Variants in CLYBL observed in about 807,000 individuals in gnomAD.
The protein encoded by CLYBL is citramalyl-CoA lyase.
Under a neutral mutation model 38.9 loss-of-function variants are expected in CLYBL, and 31 were observed. The observed-to-expected ratio is 0.80, with a 90% CI of 0.60 to 1.08. The LOEUF (loss-of-function observed/expected upper bound fraction) is 1.08. Among genes scored for constraint, CLYBL ranks in the 50% least tolerant of loss-of-function variants. The pLI is 0.00. For synonymous variants in CLYBL, 171 were observed against 158.6 expected (o/e 1.08, Z -0.59); for missense variants, 434 against 411.6 (o/e 1.05, Z -0.47).
At chr13:99,873,734 A>G (rs865789741) in intron 7 of CLYBL, among the ~76,000 whole-genome samples, 1 of 152,224 alleles carries the variant, frequency 6.6e-6, no homozygotes, top group Non-Finnish European at 1.5e-5. Context: ...TGTGTTTTCT[A>G]TAGTAATAAT....
intron 1 of CLYBL, among the ~76,000 whole-genome samples, chr13:99,701,931 C>T (rs759300570): frequency 1.3e-5 from 2 of 152,160 alleles, no homozygotes; most frequent in Non-Finnish European, 2.9e-5. Flanking sequence ...CTTGGCCTCC[C>T]AAAGTGCTGA....
chr13:99,611,014 A>T (rs531507473), intron 1 of CLYBL, among the ~76,000 whole-genome samples: 5 of 152,232 alleles, frequency 3.3e-5, no homozygotes, highest in African/African-American at 1.2e-4. Context: ...AAGACAGGTC[A>T]AATAGTGACA....
intron 2 of CLYBL, among the ~76,000 whole-genome samples, chr13:99,839,307 G>A (rs143596117): frequency 9.2e-4 from 140 of 152,308 alleles, no homozygotes; most frequent in Non-Finnish European, 3.2e-4. Context: ...AGGAGGGTTC[G>A]AAGACAGAAG....
intron 1 of CLYBL, among the ~76,000 whole-genome samples, chr13:99,631,972 G>T (rs1399778834): frequency 6.6e-6 from 1 of 152,164 alleles, no homozygotes; most frequent in Admixed American, 6.5e-5. Flanking sequence ...AACTGGAGGA[G>T]AATCTACCTC....
intron 1 of CLYBL, among the ~76,000 whole-genome samples, chr13:99,713,361 A>T (rs997807880): frequency 7.6e-6 from 1 of 132,430 alleles, no homozygotes; most frequent in African/African-American, 2.9e-5. Flanking sequence ...TTTTTTTAAG[A>T]CAGAGTCTTG....
intron 7 of CLYBL, among the ~76,000 whole-genome samples, chr13:99,881,340 A>G (rs1452972757): frequency 6.6e-6 from 1 of 152,236 alleles, no homozygotes; most frequent in Non-Finnish European, 1.5e-5. Flanking sequence ...TGAAATTATC[A>G]CTACAATTTA....
At chr13:99,701,591 G>A (rs1045050973) in intron 1 of CLYBL, among the ~76,000 whole-genome samples, 3 of 151,830 alleles carry the variant, frequency 2.0e-5, no homozygotes, top group South Asian at 2.1e-4. Context: ...GATTACAGGC[G>A]TGAGCCACCG....
At chr13:99,893,328 ACTC>A (rs2052528029), downstream of CLYBL, 1 of 152,254 alleles carries the variant, frequency 6.6e-6, no homozygotes, top group African/African-American at 2.4e-5. Flanking sequence ...CAAGGATGGG[ACTC>A]CTGGAGTCAG....
intron 2 of CLYBL, among the ~76,000 whole-genome samples, chr13:99,843,176 C>G (rs543903490): frequency 6.6e-6 from 1 of 152,214 alleles, no homozygotes; most frequent in Admixed American, 6.5e-5. Flanking sequence ...TCCTTTGGAG[C>G]CTCAGTGAGC....
rs1272702692 is a variant in CLYBL at position 99,869,989 on chromosome 13, A to G, written c.803-949A>G. Among the ~76,000 whole-genome samples, 1 of 152,050 alleles carries G rather than the reference A, an allele frequency of 6.6e-6. No individual in the cohort carries two copies. The highest frequency in any genetic ancestry group is 1.5e-5 in the Non-Finnish European group (1 of 67,960). ...TGGATTCTACACTTCCCTGATTGTT[A>G]AATTGTTTTTTTAATGACTGCATTA... On this transcript the variant is annotated intron_variant, in intron 6 of 8. Coordinates refer to ENST00000339105, the MANE Select transcript of CLYBL (RefSeq NM_206808.5). The surrounding 1 kb of genome is among the most constrained non-coding windows in gnomAD (Gnocchi z 4.3).
chr13:99,805,089 A>G (rs2050205871), intron 2 of CLYBL, among the ~76,000 whole-genome samples: 2 of 152,180 alleles, frequency 1.3e-5, no homozygotes. Context: ...GTGTGTATCA[A>G]AATGTCTTTC....
chr13:99,699,952 A>G (rs980515447), intron 1 of CLYBL, among the ~76,000 whole-genome samples: 1 of 152,154 alleles, frequency 6.6e-6, no homozygotes, highest in Non-Finnish European at 1.5e-5. Context: ...AGATTGCACC[A>G]CTGCACTCCA....
At chr13:99,863,677 C>T (rs1432667886) in intron 4 of CLYBL, among the ~76,000 whole-genome samples, 1 of 152,208 alleles carries the variant, frequency 6.6e-6, no homozygotes, top group Non-Finnish European at 1.5e-5. Context: ...CACTAAACTA[C>T]CGGTCTTAAC....
At chr13:99,819,098 C>T (rs932580954) in intron 2 of CLYBL, among the ~76,000 whole-genome samples, 1 of 152,000 alleles carries the variant, frequency 6.6e-6, no homozygotes, top group Non-Finnish European at 1.5e-5. Flanking sequence ...GTAATTCCAG[C>T]ACTTTGGGAG....
intron 2 of CLYBL, among the ~76,000 whole-genome samples, chr13:99,825,977 G>A (rs2761169): frequency 0.79 from 120,696 of 152,204 alleles, 48,511 homozygotes; most frequent in East Asian, 0.95. Flanking sequence ...CCAGTATATC[G>A]TAACTCACAT....
At chr13:99,659,083 T>G (rs900980729) in intron 1 of CLYBL, among the ~76,000 whole-genome samples, 6 of 152,340 alleles carry the variant, frequency 3.9e-5, no homozygotes, top group African/African-American at 1.4e-4. Flanking sequence ...TTATGCTCTT[T>G]CCTAAACATA....
chr13:99,610,743 G>A (rs775302218), intron 1 of CLYBL, among the ~76,000 whole-genome samples: 1 of 152,072 alleles, frequency 6.6e-6, no homozygotes, highest in African/African-American at 2.4e-5. Flanking sequence ...GCACATGTGC[G>A]TGGCCTCCTA....
intron 1 of CLYBL, among the ~76,000 whole-genome samples, chr13:99,758,026 A>G (rs566167393): frequency 3.9e-5 from 6 of 152,352 alleles, no homozygotes; most frequent in Admixed American, 1.3e-4. Flanking sequence ...CATGACAGCA[A>G]TAAGAGAGCA....
intron 2 of CLYBL, among the ~76,000 whole-genome samples, chr13:99,846,446 AAAT>A (rs1392685629): frequency 3.3e-5 from 5 of 152,138 alleles, no homozygotes; most frequent in Admixed American, 2.0e-4. Flanking sequence ...TAGTTTGTGA[AAAT>A]AATGATGCAG....
Sources: allele counts gnomAD v4.1 joint callset (sites outside exome capture counted in the v4.1 genomes callset), GRCh38; gene constraint gnomAD v4.1.1; non-coding constraint Gnocchi (gnomAD v3.1); transcripts MANE v1.5; gene names NCBI Gene and HGNC (gene_info 2026-07-23, HGNC 2026-07-21).